PTPRM: variants seen among roughly 807,000 people sequenced by gnomAD.
PTPRM encodes receptor-type tyrosine-protein phosphatase mu.
A neutral mutation model predicts 186.7 loss-of-function variants in PTPRM; 47 were observed. That is an observed-to-expected ratio of 0.25 (90% CI 0.20 to 0.32). The LOEUF (loss-of-function observed/expected upper bound fraction) is 0.32. Among genes scored for constraint, PTPRM ranks in the 10% least tolerant of loss-of-function variants. The pLI is 1.00. For synonymous variants in PTPRM, 668 were observed against 674.9 expected, an observed-to-expected ratio of 0.99 and a Z score of 0.16; for missense variants, 1,494 against 1,865.0, an observed-to-expected ratio of 0.80 and a Z score of 3.66.
At chr18:7,576,833 T>TA (rs576536721) in intron 1 of PTPRM, among the ~76,000 whole-genome samples, 55 of 152,214 alleles carry the variant, frequency 3.6e-4, no homozygotes, top group Non-Finnish European at 3.7e-4. Flanking sequence ...TGAGGTACTT[T>TA]ACATCATGTA....
At chr18:7,861,071 T>C (rs2047356908) in intron 2 of PTPRM, among the ~76,000 whole-genome samples, 1 of 152,166 alleles carries the variant, frequency 6.6e-6, no homozygotes, top group South Asian at 2.1e-4. Context: ...ACACTGTATG[T>C]CCCTCTGTTG....
chr18:8,149,264 C>T (rs1228254163), intron 14 of PTPRM, among the ~76,000 whole-genome samples: 1 of 152,076 alleles, frequency 6.6e-6, no homozygotes, highest in African/African-American at 2.4e-5. Context: ...TAAAGTCTCC[C>T]ACAATTATTA....
At chr18:7,769,938 C>T (rs900669846) in intron 1 of PTPRM, among the ~76,000 whole-genome samples, 5 of 152,124 alleles carry the variant, frequency 3.3e-5, no homozygotes, top group Non-Finnish European at 5.9e-5. Context: ...CAACACCACC[C>T]CACCCAGCTT....
chr18:8,162,423 G>C (rs1242074230), intron 14 of PTPRM, among the ~76,000 whole-genome samples: 1 of 152,152 alleles, frequency 6.6e-6, no homozygotes, highest in African/African-American at 2.4e-5. Flanking sequence ...TGTAAATTCT[G>C]TTTACATGAA....
chr18:8,222,429 A>G (rs2094163948), intron 14 of PTPRM, among the ~76,000 whole-genome samples: 1 of 152,214 alleles, frequency 6.6e-6, no homozygotes, highest in Non-Finnish European at 1.5e-5. Flanking sequence ...AAAGTAGATG[A>G]CATGCTTTCT....
chr18:7,826,541 C>T (rs538210114), intron 2 of PTPRM, among the ~76,000 whole-genome samples: 44 of 152,244 alleles, frequency 2.9e-4, no homozygotes, highest in African/African-American at 9.9e-4. Flanking sequence ...TCAGTTGTTT[C>T]CTTGAAAAGC....
chr18:8,220,636 TC>T (rs1261590128), intron 14 of PTPRM, among the ~76,000 whole-genome samples: 2 of 152,170 alleles, frequency 1.3e-5, no homozygotes, highest in African/African-American at 4.8e-5. Context: ...AAGCTGTAGT[TC>T]CTCCTGAATA....
At chr18:7,745,182 A>G (rs2040959620) in intron 1 of PTPRM, among the ~76,000 whole-genome samples, 1 of 152,148 alleles carries the variant, frequency 6.6e-6, no homozygotes, top group South Asian at 2.1e-4. Context: ...TGGAAATAAG[A>G]GTGTATCAGT....
chr18:8,263,197 C>A (rs1211686150), intron 19 of PTPRM, among the ~76,000 whole-genome samples: 2 of 152,136 alleles, frequency 1.3e-5, no homozygotes, highest in African/African-American at 4.8e-5. Flanking sequence ...CAACCTCCAT[C>A]TGCCGGGTTC....
chr18:8,099,322 T>C (rs1568339122), intron 11 of PTPRM, among the ~76,000 whole-genome samples: 1 of 152,192 alleles, frequency 6.6e-6, no homozygotes, highest in East Asian at 1.9e-4. Context: ...TGACCGCTTG[T>C]CCTGGCCACC....
chr18:8,016,543 AAAAG>A (rs1283304045), intron 7 of PTPRM, among the ~76,000 whole-genome samples: 25 of 151,574 alleles, frequency 1.6e-4, no homozygotes, highest in African/African-American at 6.1e-4. Context: ...AAAAAAAAAA[AAAAG>A]AAAAAAAAGA....
At chr18:8,126,667 C>A (rs1268058817) in intron 13 of PTPRM, among the ~76,000 whole-genome samples, 1 of 152,144 alleles carries the variant, frequency 6.6e-6, no homozygotes, top group African/African-American at 2.4e-5. Context: ...TAGATAATGT[C>A]TGTCCTTCTG....
At chr18:8,339,440 T>TC (rs2148229520) in intron 22 of PTPRM, among the ~76,000 whole-genome samples, 1 of 152,154 alleles carries the variant, frequency 6.6e-6, no homozygotes, top group East Asian at 1.9e-4. Flanking sequence ...TTGCAGTGGC[T>TC]CCCCCCCAGC....
chr18:7,799,412 A>G (rs534323209), intron 2 of PTPRM, among the ~76,000 whole-genome samples: 1 of 152,196 alleles, frequency 6.6e-6, no homozygotes, highest in Non-Finnish European at 1.5e-5. Flanking sequence ...CATAGCCAAT[A>G]CTACTGGCAT....
intron 2 of PTPRM, among the ~76,000 whole-genome samples, chr18:7,783,748 T>TTGTGTGTGTGTGTG (rs60314284): frequency 6.8e-6 from 1 of 146,724 alleles, no homozygotes; most frequent in East Asian, 2.1e-4. Context: ...ATTTTTAATT[T>TTGTGTGTGTGTGTG]TGTGTGTGTG....
At chr18:8,139,382 A>G (rs1428468985) in intron 13 of PTPRM, among the ~76,000 whole-genome samples, 3 of 152,142 alleles carry the variant, frequency 2.0e-5, no homozygotes, top group Non-Finnish European at 4.4e-5. Context: ...ACTCCAAGCC[A>G]TGAGTGTCTT....
At chr18:8,255,570 C>T (rs1241976596) in intron 19 of PTPRM, among the ~76,000 whole-genome samples, 1 of 151,920 alleles carries the variant, frequency 6.6e-6, no homozygotes, top group Non-Finnish European at 1.5e-5. Flanking sequence ...ATTCCGTGGT[C>T]AGAGAGGACT....
At chr18:8,158,497 T>C (rs2093167174) in intron 14 of PTPRM, among the ~76,000 whole-genome samples, 1 of 152,226 alleles carries the variant, frequency 6.6e-6, no homozygotes, top group South Asian at 2.1e-4. Flanking sequence ...CTTTCCAGTT[T>C]TGTTTTATAT....
At chr18:7,921,998 C>T (rs144398737) in intron 4 of PTPRM, among the ~76,000 whole-genome samples, 1,981 of 152,238 alleles carry the variant, frequency 0.013, 19 homozygotes, top group South Asian at 0.033. Context: ...CCCAGTCTGG[C>T]TTGTTTTGTT....
Sources: allele counts gnomAD v4.1 joint callset (sites outside exome capture counted in the v4.1 genomes callset), GRCh38; gene constraint gnomAD v4.1.1; transcripts MANE v1.5; gene names NCBI Gene and HGNC (gene_info 2026-07-23, HGNC 2026-07-21).